Variants in ROCK2 observed in about 807,000 individuals in gnomAD.
The protein encoded by ROCK2 is Rho associated coiled-coil containing protein kinase 2, also known as rho-associated protein kinase 2.
In ROCK2, 61 loss-of-function variants were observed where a neutral mutation model predicts 195.1. The observed-to-expected ratio is 0.31, with a 90% CI of 0.25 to 0.39. ROCK2 has a LOEUF of 0.39. Ranked by LOEUF, ROCK2 falls within the 10% of genes least tolerant of loss-of-function variation. The pLI, the probability that ROCK2 is intolerant of heterozygous loss-of-function variation, is 1.00. For synonymous variants in ROCK2, 504 were observed against 545.5 expected (o/e 0.92, Z 1.06); for missense variants, 1,109 against 1,637.4 (o/e 0.68, Z 5.57).
chr2:11,266,728 A>G (rs558692518), intron 3 of ROCK2, among the ~76,000 whole-genome samples: 6 of 152,354 alleles, frequency 3.9e-5, no homozygotes, highest in Admixed American at 2.6e-4. Flanking sequence ...AGGCTATGAA[A>G]GAAGCACCTG....
At chr2:11,332,995 G>T (rs953503667) in intron 1 of ROCK2, among the ~76,000 whole-genome samples, 4 of 152,120 alleles carry the variant, frequency 2.6e-5, no homozygotes, top group Non-Finnish European at 5.9e-5. Flanking sequence ...GCAGATCAGT[G>T]GTTGGCTGGG....
At chr2:11,183,522 C>A (rs1313732945) in intron 32 of ROCK2, 82 bp from the exon 33 acceptor site, 1 of 1,037,974 alleles carries the variant, frequency 9.6e-7, no homozygotes, top group South Asian at 1.5e-5. Flanking sequence ...GCATTCCATT[C>A]ACATTATTAA....
chr2:11,198,559 T>C lies in ROCK2; in HGVS notation c.3031A>G (p.Ile1011Val). The change falls in exon 25 of 33, where the codon ATA (isoleucine) becomes GTA (valine). Residue 1011 changes from isoleucine to valine, a missense_variant. Physicochemically the swap from Ile to Val is conservative, Grantham distance 29. Transcript: ENST00000315872. ...TGTGCTTTAATAGCTGCTGCGCTTA[T>C]TTCTTCATCTTTCAATCTTGACAGT... ...EQLSRLKDEE[I>V]SAAAIKAQFE... The C allele has an allele frequency of 6.2e-7, 1 of 1,613,380 alleles. No individual in the cohort carries two copies. The highest frequency in any genetic ancestry group is 1.1e-5 in the South Asian group (1 of 91,018).
At position 11,182,512 on chromosome 2, in the gene ROCK2, T is replaced by C. The variant is rs1273574838; in HGVS notation, c.*925A>G. ...CCAACACCATCCATTATTGTTTCTA[T>C]AACCAATAATACTTTAAAAACATTT... On this transcript the variant is annotated 3_prime_UTR_variant, in exon 33 of 33. Coordinates refer to ENST00000315872, the MANE Select transcript of ROCK2 (RefSeq NM_004850.5). 6.6e-6 allele frequency: 1 copy of C among 152,356 alleles called. No individual in the cohort carries two copies. Among genetic ancestry groups the C allele is most frequent in the African/African-American group, 2.4e-5 (1 of 41,580 alleles). The allele number at this position is 152,356 out of a possible 1,614,324, so 9.4% of individuals were successfully genotyped here. A position where few individuals can be genotyped will look rare whatever the true frequency, so the allele number is the denominator to read the frequency against.
At chr2:11,287,871 T>C in intron 1 of ROCK2, 135 bp from the exon 2 acceptor site, 1 of 380,584 alleles carries the variant, frequency 2.6e-6, no homozygotes, top group East Asian at 3.9e-5. Context: ...TGTCCATAAG[T>C]TCCATATCCA....
At chr2:11,338,911 C>CA (rs35796085) in intron 1 of ROCK2, among the ~76,000 whole-genome samples, 2,695 of 131,408 alleles carry the variant, frequency 0.021, 26 homozygotes, top group African/African-American at 0.033. Context: ...ATCTTTACTG[C>CA]AAAAAAAAAA....
At position 11,291,550 on chromosome 2, in the gene ROCK2, T is replaced by TAA. The variant is rs11417989; in HGVS notation, c.142-3816_142-3815dup. ...TGAGCGACAGACCAAGACTCTGTCT[T>TAA]AAAAAAAAAACTAATTGTTGTTAAA... is the stretch of plus-strand genomic sequence containing the variant. On this transcript the variant is annotated intron_variant, in intron 1 of 32. Coordinates refer to ENST00000315872, the MANE Select transcript of ROCK2 (RefSeq NM_004850.5). Among the ~76,000 whole-genome samples the TAA allele has an allele frequency of 9.2e-3, 1,382 of 150,216 alleles. 25 individuals carry two copies. Among genetic ancestry groups the TAA allele is most frequent in the Admixed American group, 0.015 (230 of 15,108 alleles).
chr2:11,304,400 A>G (rs776306490), intron 1 of ROCK2, among the ~76,000 whole-genome samples: 14 of 152,154 alleles, frequency 9.2e-5, no homozygotes, highest in Non-Finnish European at 1.3e-4. Context: ...TTTTTCTCTC[A>G]AGAGCCCAAA....
chr2:11,305,452 C>CAT (rs1553315543), intron 1 of ROCK2, among the ~76,000 whole-genome samples: 5 of 77,736 alleles, frequency 6.4e-5, no homozygotes, highest in Non-Finnish European at 1.6e-4. Flanking sequence ...TGTACACACA[C>CAT]ACACACACAC....
chr2:11,309,474 C>T (rs1288527634), intron 1 of ROCK2, among the ~76,000 whole-genome samples: 4 of 152,174 alleles, frequency 2.6e-5, no homozygotes, highest in Admixed American at 1.3e-4. Flanking sequence ...ACCCATCTTA[C>T]AACCTAACTG....
chr2:11,299,237 G>A (rs191057778), intron 1 of ROCK2, among the ~76,000 whole-genome samples: 6,352 of 150,422 alleles, frequency 0.042, 259 homozygotes, highest in Non-Finnish European at 0.06. Context: ...TTGCACCACT[G>A]CACTCCAGCC....
At chr2:11,232,659 A>G (rs950560495) in intron 5 of ROCK2, among the ~76,000 whole-genome samples, 4 of 152,210 alleles carry the variant, frequency 2.6e-5, no homozygotes, top group Non-Finnish European at 2.9e-5. Flanking sequence ...CAACATTTTA[A>G]AAGTTCAGTA....
At chr2:11,244,981 CATT>C (rs1033436192) in intron 4 of ROCK2, among the ~76,000 whole-genome samples, 1 of 151,840 alleles carries the variant, frequency 6.6e-6, no homozygotes, top group African/African-American at 2.4e-5. Context: ...GGTCAAATCT[CATT>C]ATGCACATAG....
At chr2:11,292,782 G>A (rs907613902) in intron 1 of ROCK2, among the ~76,000 whole-genome samples, 3 of 152,096 alleles carry the variant, frequency 2.0e-5, no homozygotes, top group Admixed American at 6.5e-5. Context: ...TTGGATTTTT[G>A]TGTCCCTGTC....
intron 27 of ROCK2, among the ~76,000 whole-genome samples, chr2:11,196,969 G>T (rs1663661292): frequency 6.6e-6 from 1 of 152,044 alleles, no homozygotes. Flanking sequence ...GACATGTGGA[G>T]TTTTTCTTTT....
At chr2:11,280,625 G>A (rs980162421) in intron 3 of ROCK2, among the ~76,000 whole-genome samples, 1 of 152,108 alleles carries the variant, frequency 6.6e-6, no homozygotes, top group African/African-American at 2.4e-5. Context: ...GCAAGAACTT[G>A]TCTCAGTGAA....
intron 1 of ROCK2, among the ~76,000 whole-genome samples, chr2:11,303,989 T>C (rs1308533399): frequency 2.6e-5 from 4 of 152,234 alleles, no homozygotes; most frequent in Non-Finnish European, 5.9e-5. Flanking sequence ...TTTGCTTTGA[T>C]GAAAACCCAT....
intron 7 of ROCK2, among the ~76,000 whole-genome samples, chr2:11,222,527 T>G (rs1664671374): frequency 6.6e-6 from 1 of 152,162 alleles, no homozygotes; most frequent in South Asian, 2.1e-4. Context: ...AGGTCTAACT[T>G]TCGGCAGAGA....
At chr2:11,315,264 CCAA>C (rs1244157775) in intron 1 of ROCK2, among the ~76,000 whole-genome samples, 3 of 152,052 alleles carry the variant, frequency 2.0e-5, no homozygotes, top group South Asian at 2.1e-4. Context: ...AACACAATGT[CCAA>C]CAACAAGGAA....
Sources: gnomAD v4.1 joint callset for allele counts (sites outside exome capture counted in the v4.1 genomes callset) on GRCh38, gnomAD v4.1.1 for gene constraint, MANE v1.5 for transcripts, NCBI Gene and HGNC (gene_info 2026-07-23, HGNC 2026-07-21) for gene names.